The following ARHGAP17 variants were observed in gnomAD, a reference collection of about 807,000 sequenced individuals.
ARHGAP17 encodes the protein Rho GTPase activating protein 17.
A neutral mutation model predicts 99.5 loss-of-function variants in ARHGAP17; 57 were observed. That is an observed-to-expected ratio of 0.57 (90% CI 0.46 to 0.71). The LOEUF (loss-of-function observed/expected upper bound fraction) is 0.71, where lower values mean the gene tolerates loss of function less well. Ranked by LOEUF, ARHGAP17 falls within the 30% of genes least tolerant of loss-of-function variation. The probability of loss-of-function intolerance (pLI) is 0.00; values close to 1 mark genes in which losing one functional copy is unlikely to be tolerated. For missense variants in ARHGAP17, 1,000 were observed against 1,122.4 expected, an observed-to-expected ratio of 0.89 and a Z score of 1.56; for synonymous variants, 417 against 429.6, an observed-to-expected ratio of 0.97 and a Z score of 0.36.
In ARHGAP17 at chr16:24,955,025, A is replaced by C; in HGVS notation, c.725-295T>G. ...CACCTGCACCACACTTCATCAACAC[A>C]CGCCAGCGGGTTTAGTGGGCTGCCT... On this transcript the variant is annotated intron_variant, in intron 9 of 19. Coordinates refer to ENST00000289968, the MANE Select transcript of ARHGAP17 (RefSeq NM_001006634.3). The surrounding 1 kb of genome is among the most constrained non-coding windows in gnomAD (Gnocchi z 4.0). 1 of 313,102 alleles carries C rather than the reference A, an allele frequency of 3.2e-6. No individual in the cohort carries two copies. The highest frequency in any genetic ancestry group is 5.9e-6 in the Non-Finnish European group (1 of 170,846). 19.4% of individuals were successfully genotyped at this position (313,102 alleles called of 1,614,324 possible). A position where few individuals can be genotyped will look rare whatever the true frequency, so the allele number is the denominator to read the frequency against.
In ARHGAP17 at chr16:24,970,118, G is replaced by A. The variant is rs72770500; in HGVS notation, c.272+389C>T. ...CTCTTTTTAGATAACTACCATGGAC[G>A]TTTTGGTGACCGCCTGTAAACGATG... On this transcript the variant is annotated intron_variant, in intron 4 of 19. Coordinates refer to ENST00000289968, the MANE Select transcript of ARHGAP17 (RefSeq NM_001006634.3). Among the ~76,000 whole-genome samples, 374 of 151,916 alleles carry A rather than the reference G, an allele frequency of 2.5e-3. 2 individuals carry two copies. The highest frequency in any genetic ancestry group is 4.3e-3 in the Non-Finnish European group (295 of 68,000).
At chr16:25,015,090 G>C (rs2053749104) in intron 1 of ARHGAP17, 119 bp downstream of exon 1, 9 of 1,019,014 alleles carry the variant, frequency 8.8e-6, no homozygotes, top group Non-Finnish European at 1.1e-5. Flanking sequence ...CGCTGGTCTC[G>C]GGCAGGGGCT....
rs1187444270 is a variant in ARHGAP17 at position 24,955,799 on chromosome 16, G to A, written c.725-1069C>T. 2 of 152,214 alleles carry A rather than the reference G, an allele frequency of 1.3e-5. No individual in the cohort carries two copies. Among genetic ancestry groups the A allele is most frequent in the Non-Finnish European group, 2.9e-5 (2 of 68,088 alleles). 9.4% of individuals were successfully genotyped at this position (152,214 alleles called of 1,614,324 possible). A position where few individuals can be genotyped will look rare whatever the true frequency, so the allele number is the denominator to read the frequency against. The stretch of plus-strand genomic sequence containing the variant: ...AGGGGTAGATTTGCACATGGGGAAG[G>A]AAGAAAAATAAAATCCCACAAATCC... On this transcript the variant is annotated intron_variant, in intron 9 of 19. Coordinates refer to ENST00000289968, the MANE Select transcript of ARHGAP17 (RefSeq NM_001006634.3). This position sits in a 1 kb window ranked among gnomAD's most constrained non-coding sequence, Gnocchi z 4.0.
rs771312376 is a variant in ARHGAP17, at chr16:24,930,820, TGAGGCTGCTGTCCC to T, written c.2465_2478del (p.Gly822AspfsTer28). 5 of 1,613,990 alleles carry T rather than the reference TGAGGCTGCTGTCCC, an allele frequency of 3.1e-6. No individual in the cohort carries two copies. In the Admixed American group the frequency reaches 8.3e-5, roughly 27 times the overall value. On this transcript the variant is annotated frameshift_variant, in exon 19 of 20. Coordinates refer to ENST00000289968, the MANE Select transcript of ARHGAP17 (RefSeq NM_001006634.3). LOFTEE classifies it high-confidence loss of function. ...TTGGAAGCTGTTGGTGCTGTGTTGG[TGAGGCTGCTGTCCC>T]CAGCTGAGTGGACACCAGGAGGTTG... is the stretch of plus-strand genomic sequence containing the variant.
chr16:24,937,573 C>T (rs571243982), intron 17 of ARHGAP17, among the ~76,000 whole-genome samples: 28 of 152,322 alleles, frequency 1.8e-4, no homozygotes, highest in Middle Eastern at 3.4e-3. Flanking sequence ...GACAAGCTAA[C>T]GTGCAGCCTA....
intron 14 of ARHGAP17, 139 bp from the exon 15 acceptor site, chr16:24,944,001 G>GA: frequency 1.3e-6 from 1 of 783,434 alleles, no homozygotes; most frequent in Non-Finnish European, 2.1e-6. Flanking sequence ...GGCCGGGTGT[G>GA]GTGGCTCACA....
intron 1 of ARHGAP17, among the ~76,000 whole-genome samples, chr16:24,997,957 G>C (rs1338493936): frequency 1.3e-5 from 2 of 152,130 alleles, no homozygotes; most frequent in Non-Finnish European, 2.9e-5. Context: ...AGGACCAGCA[G>C]CAAACACGGA....
chr16:24,970,648 A>C, intron 3 of ARHGAP17, 68 bp from the exon 4 acceptor site: 1 of 1,422,050 alleles, frequency 7.0e-7, no homozygotes, highest in Non-Finnish European at 9.9e-7. Context: ...TCTTTTTCAG[A>C]TCATCATTCA....
intron 1 of ARHGAP17, among the ~76,000 whole-genome samples, chr16:24,980,444 G>A (rs2052642228): frequency 6.6e-6 from 1 of 152,172 alleles, no homozygotes; most frequent in Admixed American, 6.5e-5. Context: ...CAGAGGATCA[G>A]GGCCTAGAGA....
intron 7 of ARHGAP17, among the ~76,000 whole-genome samples, chr16:24,962,367 A>G (rs1416008224): frequency 6.6e-6 from 1 of 152,210 alleles, no homozygotes; most frequent in African/African-American, 2.4e-5. Context: ...CAACGAAACA[A>G]CAGATTAGAA....
At chr16:24,933,208 T>C (rs911507123) in intron 18 of ARHGAP17, among the ~76,000 whole-genome samples, 3 of 151,722 alleles carry the variant, frequency 2.0e-5, no homozygotes, top group Admixed American at 6.6e-5. Flanking sequence ...GAATTCAGGA[T>C]TGAAAAGGGT....
At chr16:24,983,020 T>C (rs2052748284) in intron 1 of ARHGAP17, among the ~76,000 whole-genome samples, 1 of 63,082 alleles carries the variant, frequency 1.6e-5, no homozygotes, top group East Asian at 4.3e-4. Flanking sequence ...TTTTTTTTTT[T>C]TTGAGACAGG....
chr16:24,959,475 T>G (rs2051916662), intron 9 of ARHGAP17, among the ~76,000 whole-genome samples, 196 bp downstream of exon 9: 1 of 152,150 alleles, frequency 6.6e-6, no homozygotes, highest in African/African-American at 2.4e-5. Context: ...AAATGTTCCA[T>G]TAGTGTGTTA....
chr16:24,923,532 C>T (rs1041465757), intron 19 of ARHGAP17, among the ~76,000 whole-genome samples: 2 of 151,902 alleles, frequency 1.3e-5, no homozygotes, highest in East Asian at 3.9e-4. Flanking sequence ...CGAGACCAGC[C>T]CAGGCAACAT....
Position 24,942,289 on chromosome 16 carries a change from G to A in ARHGAP17, c.1334-146C>T, listed in dbSNP as rs547399772. 80 of 745,140 alleles carry A rather than the reference G, an allele frequency of 1.1e-4. No homozygotes were observed. The South Asian group carries it at 1.1e-3, about 10-fold the overall frequency. 46.2% of individuals were successfully genotyped at this position (745,140 alleles called of 1,614,324 possible). ...AGTGGAAGCTCCAGGCACTCACATC[G>A]CAAGAATGGTCCATCAAACCAGTGG... On this transcript the variant is annotated intron_variant, in intron 15 of 19. Transcript: ENST00000289968.
chr16:24,943,906 C>T, intron 14 of ARHGAP17, 44 bp from the exon 15 acceptor site: 1 of 1,507,572 alleles, frequency 6.6e-7, no homozygotes, highest in East Asian at 2.3e-5. Flanking sequence ...CTGTAGGCAG[C>T]ATCTAATTTC....
At chr16:24,947,137 C>T (rs1156950660) in intron 14 of ARHGAP17, among the ~76,000 whole-genome samples, 1 of 152,208 alleles carries the variant, frequency 6.6e-6, no homozygotes, top group African/African-American at 2.4e-5. Context: ...CAGCCAGACA[C>T]CCTAAGAGGG....
chr16:24,984,801 C>A (rs1319730674), intron 1 of ARHGAP17, among the ~76,000 whole-genome samples: 1 of 151,752 alleles, frequency 6.6e-6, no homozygotes, highest in Admixed American at 6.6e-5. Flanking sequence ...CTGCCTTCCA[C>A]AGTAAAATCC....
At chr16:24,979,704 TTTA>T (rs532237734) in intron 1 of ARHGAP17, among the ~76,000 whole-genome samples, 94 of 150,578 alleles carry the variant, frequency 6.2e-4, no homozygotes, top group African/African-American at 2.0e-3. Flanking sequence ...TAATTTTTAT[TTTA>T]TTATTATTAT....
Sources: gnomAD v4.1 joint callset for allele counts (sites outside exome capture counted in the v4.1 genomes callset) on GRCh38, gnomAD v4.1.1 for gene constraint, Gnocchi (gnomAD v3.1) non-coding constraint, MANE v1.5 for transcripts, NCBI Gene and HGNC (gene_info 2026-07-23, HGNC 2026-07-21) for gene names.